Variants in KCNIP4 observed in about 807,000 individuals in gnomAD.
KCNIP4 encodes the protein Kv channel-interacting protein 4.
Under a neutral mutation model 34.0 loss-of-function variants are expected in KCNIP4, and 12 were observed. That is an observed-to-expected ratio of 0.35 (90% CI 0.23 to 0.57). KCNIP4 has a LOEUF of 0.57. KCNIP4 is among the 20% of genes least tolerant of loss of function. The pLI is 0.83. For missense variants in KCNIP4, 238 were observed against 311.7 expected, an observed-to-expected ratio of 0.76 and a Z score of 1.78; for synonymous variants, 124 against 102.2, an observed-to-expected ratio of 1.21 and a Z score of -1.29.
chr4:21,534,936 G>A (rs962458602), intron 1 of KCNIP4, among the ~76,000 whole-genome samples: 6 of 151,960 alleles, frequency 3.9e-5, no homozygotes, highest in African/African-American at 1.2e-4. Context: ...ATTGTTCAAG[G>A]TCAAACTCAG....
chr4:21,882,290 A>G (rs993045364), intron 1 of KCNIP4, among the ~76,000 whole-genome samples: 2 of 152,164 alleles, frequency 1.3e-5, no homozygotes, highest in Non-Finnish European at 2.9e-5. Context: ...GAGTGAAAAA[A>G]TGAGGCTCAG....
intron 1 of KCNIP4, among the ~76,000 whole-genome samples, chr4:21,154,901 T>C (rs1046170242): frequency 6.6e-6 from 1 of 152,206 alleles, no homozygotes; most frequent in Non-Finnish European, 1.5e-5. Context: ...AAAAGCTATG[T>C]TCTAGGACAG....
chr4:21,444,110 C>A (rs1309042010), intron 1 of KCNIP4, among the ~76,000 whole-genome samples: 6 of 152,026 alleles, frequency 3.9e-5, no homozygotes, highest in African/African-American at 9.7e-5. Context: ...CAATAACAGG[C>A]TCTGAAATTG....
chr4:21,642,720 C>T (rs1486093591), intron 1 of KCNIP4, among the ~76,000 whole-genome samples: 2 of 151,990 alleles, frequency 1.3e-5, no homozygotes, highest in Non-Finnish European at 2.9e-5. Context: ...TAAAATTCAC[C>T]TGATGACTTT....
intron 1 of KCNIP4, among the ~76,000 whole-genome samples, chr4:21,313,044 C>T (rs1264922563): frequency 6.6e-6 from 1 of 152,214 alleles, no homozygotes; most frequent in African/African-American, 2.4e-5. Context: ...ACATGGAGCC[C>T]TTTCCCATTA....
rs1028608078 is a variant in KCNIP4, at chr4:20,767,134, C to T, written c.289-8244G>A. The T allele has an allele frequency of 6.6e-5, 10 of 152,144 alleles. No homozygotes were observed. The South Asian group carries it at 1.2e-3, about 19-fold the overall frequency. 9.4% of individuals were successfully genotyped at this position (152,144 alleles called of 1,614,324 possible). A position where few individuals can be genotyped will look rare whatever the true frequency, so the allele number is the denominator to read the frequency against. ...CAATGAGTCACTGTAACATCAATGC[C>T]GATAGACCAAGGATAAATCATATTT... On this transcript the variant is annotated intron_variant, in intron 3 of 8. Coordinates refer to ENST00000382152, the MANE Select transcript of KCNIP4 (RefSeq NM_025221.6).
intron 1 of KCNIP4, among the ~76,000 whole-genome samples, chr4:20,915,615 T>C (rs893442723): frequency 6.6e-6 from 1 of 152,194 alleles, no homozygotes; most frequent in African/African-American, 2.4e-5. Flanking sequence ...ATTTTCTTCT[T>C]TCTTCAATCA....
At chr4:21,602,840 CTCT>C (rs1743307028) in intron 1 of KCNIP4, among the ~76,000 whole-genome samples, 1 of 152,026 alleles carries the variant, frequency 6.6e-6, no homozygotes, top group Non-Finnish European at 1.5e-5. Context: ...TACTTTAAAT[CTCT>C]TCTTAATTAA....
Position 21,729,426 on chromosome 4 carries a change from T to C in KCNIP4, c.61+219145A>G, listed in dbSNP as rs189559179. Among the ~76,000 whole-genome samples, 1,331 of 152,276 alleles carry C rather than the reference T, an allele frequency of 8.7e-3. 19 individuals carry two copies. The highest frequency in any genetic ancestry group is 0.039 in the South Asian group (188 of 4,832). On this transcript the variant is annotated intron_variant, in intron 1 of 8. Coordinates refer to ENST00000382152, the MANE Select transcript of KCNIP4 (RefSeq NM_025221.6). ...TACTAATCTAGGTAATATAATTTGTTGGAAGCATATTATTATTCGAGAAGC... is the reference window on the plus strand; with the variant it reads ...TACTAATCTAGGTAATATAATTTGTCGGAAGCATATTATTATTCGAGAAGC...
At chr4:20,984,976 G>A (rs1736440608) in intron 1 of KCNIP4, among the ~76,000 whole-genome samples, 1 of 152,182 alleles carries the variant, frequency 6.6e-6, no homozygotes. Flanking sequence ...AAGATGCCAT[G>A]AGGTGTGCTA....
At chr4:21,192,919 C>CAAATAA (rs1466199128) in intron 1 of KCNIP4, among the ~76,000 whole-genome samples, 11 of 143,586 alleles carry the variant, frequency 7.7e-5, no homozygotes, top group African/African-American at 2.8e-4. Flanking sequence ...CCCGTCTCTA[C>CAAATAA]TACTACTACT....
chr4:21,381,627 A>T (rs1721514707), intron 1 of KCNIP4, among the ~76,000 whole-genome samples: 1 of 152,160 alleles, frequency 6.6e-6, no homozygotes, highest in South Asian at 2.1e-4. Flanking sequence ...CACTATATTG[A>T]TTTATTCTTA....
intron 2 of KCNIP4, among the ~76,000 whole-genome samples, chr4:20,882,173 C>A (rs1724764760): frequency 6.6e-6 from 1 of 152,120 alleles, no homozygotes; most frequent in African/African-American, 2.4e-5. Flanking sequence ...TTAAATGACA[C>A]TTTGTAATCT....
intron 1 of KCNIP4, among the ~76,000 whole-genome samples, chr4:21,824,283 G>A (rs550317798): frequency 3.9e-4 from 60 of 152,218 alleles, no homozygotes; most frequent in Non-Finnish European, 6.2e-4. Flanking sequence ...TCTTGCCTGG[G>A]GACCAGACTG....
intron 1 of KCNIP4, among the ~76,000 whole-genome samples, chr4:21,660,731 G>T (rs1363174886): frequency 1.3e-5 from 2 of 152,152 alleles, no homozygotes; most frequent in African/African-American, 4.8e-5. Context: ...TCCTTAAACA[G>T]GTCCAAGAAT....
intron 1 of KCNIP4, among the ~76,000 whole-genome samples, chr4:21,271,200 T>C (rs1361223044): frequency 6.6e-6 from 1 of 152,150 alleles, no homozygotes; most frequent in Non-Finnish European, 1.5e-5. Flanking sequence ...ACACGAAATC[T>C]GAGGCATTCA....
intron 1 of KCNIP4, among the ~76,000 whole-genome samples, chr4:21,721,114 G>A (rs926621782): frequency 2.0e-5 from 3 of 152,146 alleles, no homozygotes; most frequent in African/African-American, 7.2e-5. Flanking sequence ...TTCGGAGTTT[G>A]GTTAAACTGT....
At chr4:20,984,160 T>C in intron 1 of KCNIP4, 4 of 560,086 alleles carry the variant, frequency 7.1e-6, no homozygotes, top group Non-Finnish European at 6.2e-6. Flanking sequence ...TCCCCCCTGC[T>C]ACCACAGCGC....
Position 20,959,251 on chromosome 4 carries a change from C to T in KCNIP4, c.62-76542G>A, listed in dbSNP as rs1733620340. ...CAGGTAGCCAAAATAAATGACTGTA[C>T]TTTGAAATAATTGCCTTTAGCAGCA... On this transcript the variant is annotated intron_variant, in intron 1 of 8. Coordinates refer to ENST00000382152, the MANE Select transcript of KCNIP4 (RefSeq NM_025221.6). 3.3e-5 allele frequency among the ~76,000 whole-genome samples: 5 copies of T among 152,262 alleles called. No homozygotes were observed. The South Asian group carries it at 1.0e-3, about 32-fold the overall frequency.
Sources: allele counts gnomAD v4.1 joint callset (sites outside exome capture counted in the v4.1 genomes callset), GRCh38; gene constraint gnomAD v4.1.1; transcripts MANE v1.5; gene names NCBI Gene and HGNC (gene_info 2026-07-23, HGNC 2026-07-21).